Variants in NTM observed in about 807,000 individuals in gnomAD.
NTM encodes the protein IgLON family member 2.
Under a neutral mutation model 42.1 loss-of-function variants are expected in NTM, and 13 were observed. The ratio of observed to expected loss-of-function variants is 0.31; its 90% CI spans 0.20 to 0.49. The LOEUF is 0.49. Ranked by LOEUF, NTM falls within the 20% of genes least tolerant of loss-of-function variation. The pLI is 0.99. For missense variants in NTM, 373 were observed against 452.8 expected, an observed-to-expected ratio of 0.82 and a Z score of 1.60; for synonymous variants, 187 against 179.2, an observed-to-expected ratio of 1.04 and a Z score of -0.35.
intron 4 of NTM, among the ~76,000 whole-genome samples, chr11:132,290,229 A>G (rs954021898): frequency 6.6e-6 from 1 of 152,174 alleles, no homozygotes; most frequent in African/African-American, 2.4e-5. Flanking sequence ...TAAAAATAAT[A>G]GCAGTAAGAC....
chr11:132,196,798 T>C (rs1389640204), intron 3 of NTM, among the ~76,000 whole-genome samples: 2 of 152,070 alleles, frequency 1.3e-5, no homozygotes, highest in Admixed American at 6.6e-5. Context: ...GAGAAAGATA[T>C]GGGGTGAAAA....
At chr11:131,843,257 C>T (rs2044502390) in intron 1 of NTM, among the ~76,000 whole-genome samples, 2 of 152,114 alleles carry the variant, frequency 1.3e-5, no homozygotes, top group African/African-American at 4.8e-5. Flanking sequence ...CTCCCCTCTC[C>T]AGAGGTCCCC....
At chr11:132,281,877 CA>C (rs1442836925) in intron 4 of NTM, among the ~76,000 whole-genome samples, 2 of 151,966 alleles carry the variant, frequency 1.3e-5, no homozygotes, top group Non-Finnish European at 2.9e-5. Flanking sequence ...CTTTCAATCT[CA>C]AAAAAAGTAT....
intron 1 of NTM, among the ~76,000 whole-genome samples, chr11:131,649,614 C>T (rs1222880638): frequency 6.6e-6 from 1 of 152,090 alleles, no homozygotes; most frequent in Non-Finnish European, 1.5e-5. Context: ...AGGAGTTAAT[C>T]GCCTCGTTCA....
chr11:131,452,256 C>A (rs187975319), intron 1 of NTM, among the ~76,000 whole-genome samples: 9 of 152,350 alleles, frequency 5.9e-5, no homozygotes, highest in African/African-American at 1.9e-4. Flanking sequence ...CCGAGCGCCC[C>A]GTGGCCTCCC....
At chr11:131,982,190 G>T (rs190473895) in intron 2 of NTM, among the ~76,000 whole-genome samples, 5 of 152,214 alleles carry the variant, frequency 3.3e-5, no homozygotes, top group East Asian at 3.9e-4. Context: ...AGGGAGGGGG[G>T]ACTTGGAGGC....
chr11:132,328,190 T>A (rs1320809225), intron 7 of NTM, among the ~76,000 whole-genome samples: 1 of 152,144 alleles, frequency 6.6e-6, no homozygotes, highest in African/African-American at 2.4e-5. Context: ...GGGGGTGGAC[T>A]GGAATGAGCA....
chr11:131,411,991 A>G (rs1946475312), intron 1 of NTM, among the ~76,000 whole-genome samples: 1 of 152,184 alleles, frequency 6.6e-6, no homozygotes, highest in African/African-American at 2.4e-5. Context: ...CAAGCCTGGG[A>G]TTCCTGGACC....
intron 1 of NTM, among the ~76,000 whole-genome samples, chr11:131,509,504 G>A (rs889195292): frequency 6.6e-6 from 1 of 152,134 alleles, no homozygotes; most frequent in South Asian, 2.1e-4. Flanking sequence ...CTTCCTGAAG[G>A]CAAATCTTAA....
chr11:132,313,806 C>A (rs2095348488), intron 6 of NTM, among the ~76,000 whole-genome samples: 1 of 152,086 alleles, frequency 6.6e-6, no homozygotes, highest in African/African-American at 2.4e-5. Context: ...TCTGTAGTGG[C>A]CCCCAGACCA....
At chr11:132,138,653 C>G (rs2068474273) in intron 2 of NTM, among the ~76,000 whole-genome samples, 1 of 136,874 alleles carries the variant, frequency 7.3e-6, no homozygotes, top group Admixed American at 7.7e-5. Context: ...TAAGAATTGG[C>G]TCATGTCTGT....
At chr11:131,638,229 T>C (rs2064663837) in intron 1 of NTM, among the ~76,000 whole-genome samples, 1 of 152,192 alleles carries the variant, frequency 6.6e-6, no homozygotes, top group Non-Finnish European at 1.5e-5. Context: ...GACAGTTTTT[T>C]AAATTTAAGT....
chr11:131,695,135 A>C (rs2075289448), intron 1 of NTM, among the ~76,000 whole-genome samples: 1 of 152,172 alleles, frequency 6.6e-6, no homozygotes, highest in African/African-American at 2.4e-5. Flanking sequence ...TGGGCCACGG[A>C]CAGGCTGAGG....
chr11:132,201,509 G>T (rs117596326), intron 3 of NTM, among the ~76,000 whole-genome samples: 2 of 152,196 alleles, frequency 1.3e-5, no homozygotes, highest in Non-Finnish European at 2.9e-5. Flanking sequence ...AGGCTATGGC[G>T]GTTGGGAACT....
intron 2 of NTM, among the ~76,000 whole-genome samples, chr11:132,030,870 A>C (rs2135652854): frequency 6.6e-6 from 1 of 152,334 alleles, no homozygotes; most frequent in South Asian, 2.1e-4. Flanking sequence ...ATGGGCTTAC[A>C]AAATAGCATT....
intron 1 of NTM, among the ~76,000 whole-genome samples, chr11:131,907,043 C>G (rs1273527122): frequency 6.6e-6 from 1 of 152,182 alleles, no homozygotes; most frequent in Non-Finnish European, 1.5e-5. Context: ...CTTCCAATAT[C>G]TATTTGATGT....
intron 2 of NTM, among the ~76,000 whole-genome samples, chr11:132,005,075 G>T (rs762721092): frequency 1.3e-5 from 2 of 152,110 alleles, no homozygotes; most frequent in Non-Finnish European, 2.9e-5. Context: ...GGATGGTAAA[G>T]GGGCAGAGGA....
intron 1 of NTM, among the ~76,000 whole-genome samples, chr11:131,531,015 C>G (rs932656495): frequency 4.6e-5 from 7 of 152,156 alleles, no homozygotes; most frequent in Non-Finnish European, 1.0e-4. Context: ...GTGCCTGCCA[C>G]GAGCAACGGC....
chr11:131,379,359 AAGG>A (rs1402255733), intron 1 of NTM, among the ~76,000 whole-genome samples: 6 of 152,166 alleles, frequency 3.9e-5, no homozygotes, highest in African/African-American at 1.4e-4. Flanking sequence ...GGGGAAGAGG[AAGG>A]AGAAGGAGAT....
Sources: gnomAD v4.1 joint callset for allele counts (sites outside exome capture counted in the v4.1 genomes callset) on GRCh38, gnomAD v4.1.1 for gene constraint, MANE v1.5 for transcripts, NCBI Gene and HGNC (gene_info 2026-07-23, HGNC 2026-07-21) for gene names.